LDLRAD3: variants seen among roughly 807,000 people sequenced by gnomAD.
LDLRAD3 encodes the protein low density lipoprotein receptor class A domain containing 3, also known as low-density lipoprotein receptor class A domain-containing protein 3.
Under a neutral mutation model 29.4 loss-of-function variants are expected in LDLRAD3, and 20 were observed. The ratio of observed to expected loss-of-function variants is 0.68; its 90% CI spans 0.48 to 0.99. The LOEUF (loss-of-function observed/expected upper bound fraction) is 0.99, where lower values mean the gene tolerates loss of function less well. Among genes scored for constraint, LDLRAD3 ranks in the 50% least tolerant of loss-of-function variants. The probability of loss-of-function intolerance (pLI) is 0.00; values close to 1 mark genes in which losing one functional copy is unlikely to be tolerated. For missense variants in LDLRAD3, 420 were observed against 454.3 expected (o/e 0.92, Z 0.69); for synonymous variants, 157 against 192.7 (o/e 0.81, Z 1.53).
At chr11:36,014,844 T>G (rs2133191459) in intron 1 of LDLRAD3, among the ~76,000 whole-genome samples, 1 of 152,268 alleles carries the variant, frequency 6.6e-6, no homozygotes, top group East Asian at 1.9e-4. Context: ...AACTTTATGA[T>G]TTATTTTTAT....
At chr11:35,977,159 C>T (rs10437631) in intron 1 of LDLRAD3, among the ~76,000 whole-genome samples, 16,666 of 152,086 alleles carry the variant, frequency 0.11, 2,481 homozygotes, top group African/African-American at 0.34. Context: ...CCCAGCTCCC[C>T]CTCTTACTTG....
chr11:36,128,117 C>CATATACATAT (rs1554966874), intron 4 of LDLRAD3, among the ~76,000 whole-genome samples: 1 of 98,954 alleles, frequency 1.0e-5, no homozygotes, highest in Non-Finnish European at 2.3e-5. Context: ...GTTGTTTTTA[C>CATATACATAT]ATATATATAT....
chr11:36,214,684 T>C (rs984043024), intron 4 of LDLRAD3, among the ~76,000 whole-genome samples: 3 of 152,166 alleles, frequency 2.0e-5, no homozygotes, highest in African/African-American at 7.2e-5. Context: ...AGACCTGGGC[T>C]CGTGTCTCAG....
At chr11:35,976,077 AG>A (rs1320267224) in intron 1 of LDLRAD3, among the ~76,000 whole-genome samples, 3 of 151,908 alleles carry the variant, frequency 2.0e-5, no homozygotes. Flanking sequence ...TCATTTTCCT[AG>A]GAGTGTAGGG....
intron 2 of LDLRAD3, among the ~76,000 whole-genome samples, chr11:36,071,713 G>GGCAC (rs1247791990): frequency 6.6e-6 from 1 of 152,162 alleles, no homozygotes; most frequent in African/African-American, 2.4e-5. Flanking sequence ...CTGTGTGCCT[G>GGCAC]GCACTTCTCT....
At chr11:36,163,459 T>C (rs1223157581) in intron 4 of LDLRAD3, 1 of 152,200 alleles carries the variant, frequency 6.6e-6, no homozygotes, top group Non-Finnish European at 1.5e-5. Context: ...CTTCCCTGCA[T>C]ATGATGTGTG....
At chr11:35,993,585 G>A (rs1221909799) in intron 1 of LDLRAD3, among the ~76,000 whole-genome samples, 2 of 151,734 alleles carry the variant, frequency 1.3e-5, no homozygotes, top group Non-Finnish European at 2.9e-5. Context: ...GAGAAAAGAG[G>A]AGCTGGTGTT....
At chr11:36,013,247 G>C (rs1235219536) in intron 1 of LDLRAD3, among the ~76,000 whole-genome samples, 1 of 152,190 alleles carries the variant, frequency 6.6e-6, no homozygotes, top group Non-Finnish European at 1.5e-5. Flanking sequence ...CCTCTCAGCA[G>C]TTTGCTGATG....
intron 1 of LDLRAD3, among the ~76,000 whole-genome samples, chr11:36,018,134 G>T (rs915396351): frequency 2.0e-5 from 3 of 152,164 alleles, no homozygotes; most frequent in African/African-American, 7.2e-5. Flanking sequence ...ACACTGTCTT[G>T]CCCCGTCTTA....
At chr11:36,065,160 T>G (rs1022315136) in intron 2 of LDLRAD3, among the ~76,000 whole-genome samples, 7 of 152,358 alleles carry the variant, frequency 4.6e-5, no homozygotes, top group African/African-American at 1.7e-4. Flanking sequence ...CTTCCTTTAA[T>G]TCTGTCAGTT....
chr11:36,196,736 A>G (rs1432143611), intron 4 of LDLRAD3: 1 of 152,258 alleles, frequency 6.6e-6, no homozygotes, highest in African/African-American at 2.4e-5. Context: ...TCAGCTCTGC[A>G]TACAGTCATG....
chr11:36,019,073 G>T (rs1220412106), intron 1 of LDLRAD3, among the ~76,000 whole-genome samples: 1 of 152,122 alleles, frequency 6.6e-6, no homozygotes, highest in African/African-American at 2.4e-5. Context: ...TTGGTTTTCT[G>T]CTTTGTTTTT....
intron 1 of LDLRAD3, among the ~76,000 whole-genome samples, chr11:35,993,477 T>C (rs1192694354): frequency 1.3e-5 from 2 of 152,168 alleles, no homozygotes; most frequent in African/African-American, 4.8e-5. Context: ...TCTAGCTGCC[T>C]GCCACTTAGG....
At chr11:36,031,778 A>G (rs17490166) in intron 1 of LDLRAD3, among the ~76,000 whole-genome samples, 2,629 of 152,320 alleles carry the variant, frequency 0.017, 34 homozygotes, top group Non-Finnish European at 0.025. Context: ...GTCTGGATGA[A>G]TGAGGTTAGC....
chr11:36,107,851 T>A (rs190011822), intron 4 of LDLRAD3, among the ~76,000 whole-genome samples: 5 of 152,340 alleles, frequency 3.3e-5, no homozygotes, highest in African/African-American at 1.2e-4. Flanking sequence ...CATGACTGTA[T>A]TTTTGATTGC....
At chr11:36,132,945 C>T (rs1590294445) in intron 4 of LDLRAD3, among the ~76,000 whole-genome samples, 2 of 152,192 alleles carry the variant, frequency 1.3e-5, no homozygotes, top group African/African-American at 2.4e-5. Context: ...CTCAGTTCCC[C>T]CCTTTTGGGG....
At chr11:36,042,984 C>A (rs935308706) in intron 2 of LDLRAD3, among the ~76,000 whole-genome samples, 6 of 151,038 alleles carry the variant, frequency 4.0e-5, no homozygotes, top group Non-Finnish European at 8.9e-5. Context: ...CAAACTAATA[C>A]GACCATCAAA....
intron 4 of LDLRAD3, among the ~76,000 whole-genome samples, chr11:36,170,334 G>GTATA: frequency 2.4e-5 from 1 of 41,472 alleles, no homozygotes; most frequent in African/African-American, 6.8e-5. Context: ...ATATATGTAC[G>GTATA]TATATACGTA....
rs1173566965 is a variant in LDLRAD3 at position 36,232,077 on chromosome 11, T to G, written c.*2680T>G. ...TGTGTCGTTGCTTTTTGTGTTTTGG[T>G]TAGGCTTGGTTTTGTTTTTTAATTT... On this transcript the variant is annotated 3_prime_UTR_variant, in exon 6 of 6. Transcript: ENST00000315571. 6.6e-6 allele frequency: 1 copy of G among 152,172 alleles called. No individual in the cohort carries two copies. Among genetic ancestry groups the G allele is most frequent in the Non-Finnish European group, 1.5e-5 (1 of 68,040 alleles). The allele number at this position is 152,172 out of a possible 1,614,324, so 9.4% of individuals were successfully genotyped here.
Sources: allele counts gnomAD v4.1 joint callset (sites outside exome capture counted in the v4.1 genomes callset), GRCh38; gene constraint gnomAD v4.1.1; transcripts MANE v1.5; gene names NCBI Gene and HGNC (gene_info 2026-07-23, HGNC 2026-07-21).